Variants in TAB2 observed in about 807,000 individuals in gnomAD.
The protein encoded by TAB2 is TGF-beta-activated kinase 1 and MAP3K7-binding protein 2.
TAB2 carries 3 observed loss-of-function variants against 65.0 expected under a neutral mutation model. The ratio of observed to expected loss-of-function variants is 0.05; its 90% CI spans 0.02 to 0.12. TAB2 has a LOEUF of 0.12. Ranked by LOEUF, TAB2 falls within the 10% of genes least tolerant of loss-of-function variation. The pLI is 1.00. For missense variants in TAB2, 623 were observed against 840.3 expected (o/e 0.74, Z 3.20); for synonymous variants, 298 against 285.1 (o/e 1.05, Z -0.46).
chr6:149,227,701 T>C (rs1777312029), intron 1 of TAB2, among the ~76,000 whole-genome samples: 1 of 152,228 alleles, frequency 6.6e-6, no homozygotes, highest in Non-Finnish European at 1.5e-5. Context: ...TAAGTCATCC[T>C]TCCTGAAAAT....
intron 6 of TAB2, among the ~76,000 whole-genome samples, chr6:149,401,702 A>T (rs1583162529): frequency 6.6e-6 from 1 of 152,286 alleles, no homozygotes; most frequent in African/African-American, 2.4e-5. Context: ...ATTCTGTAGG[A>T]TAGATCATAT....
chr6:149,233,462 C>T (rs912057387), intron 1 of TAB2, among the ~76,000 whole-genome samples: 4 of 152,178 alleles, frequency 2.6e-5, no homozygotes, highest in East Asian at 3.8e-4. Flanking sequence ...ATTTGTCACA[C>T]GTAAGTGTCA....
At chr6:149,382,364 G>A (rs1037379397) in intron 3 of TAB2, among the ~76,000 whole-genome samples, 2 of 152,176 alleles carry the variant, frequency 1.3e-5, no homozygotes, top group East Asian at 1.9e-4. Flanking sequence ...TTGGGAGGCC[G>A]AGGTGGGTGG....
At chr6:149,248,720 G>T (rs1278774101) in intron 1 of TAB2, among the ~76,000 whole-genome samples, 1 of 152,176 alleles carries the variant, frequency 6.6e-6, no homozygotes, top group East Asian at 1.9e-4. Flanking sequence ...ATTTTCTGGA[G>T]GTCTGCTATA....
intron 1 of TAB2, among the ~76,000 whole-genome samples, chr6:149,252,076 C>T (rs1032957790): frequency 2.8e-4 from 42 of 152,054 alleles, no homozygotes; most frequent in Admixed American, 1.2e-3. Context: ...TAAGCAGATA[C>T]TTGAGCTACA....
At chr6:149,253,037 G>A (rs1345523560) in intron 1 of TAB2, 1 of 152,184 alleles carries the variant, frequency 6.6e-6, no homozygotes, top group Non-Finnish European at 1.5e-5. Context: ...ACTTACTGTT[G>A]GGATTTTCTC....
intron 6 of TAB2, among the ~76,000 whole-genome samples, chr6:149,405,847 A>G (rs1782646027): frequency 6.6e-6 from 1 of 152,130 alleles, no homozygotes; most frequent in Non-Finnish European, 1.5e-5. Flanking sequence ...TGTAGTTAAC[A>G]GTAGTTTATT....
chr6:149,408,897 T>A lies in TAB2; in HGVS notation c.1940-680T>A, dbSNP rs547199733. Among the ~76,000 whole-genome samples the A allele has an allele frequency of 2.5e-4, 38 of 152,302 alleles. No homozygotes were observed. In the Middle Eastern group the frequency reaches 0.01, roughly 41 times the overall value. The stretch of plus-strand genomic sequence containing the variant: ...TAGAATGTATATGATTTATCTGAGA[T>A]CACAGAGCAAAGTATTCAGGAATTA... On this transcript the variant is annotated intron_variant, in intron 6 of 6. Transcript: ENST00000637181.
intron 1 of TAB2, among the ~76,000 whole-genome samples, chr6:149,311,111 A>T (rs1032053631): frequency 1.3e-5 from 2 of 152,178 alleles, no homozygotes; most frequent in African/African-American, 2.4e-5. Flanking sequence ...CTAAACTTGA[A>T]TGGTATACCT....
intron 1 of TAB2, among the ~76,000 whole-genome samples, chr6:149,322,949 T>C (rs543278728): frequency 1.3e-5 from 2 of 152,142 alleles, no homozygotes; most frequent in Non-Finnish European, 2.9e-5. Context: ...GCAATACTTA[T>C]TTTCATTTTT....
chr6:149,375,642 C>T (rs2114874223), intron 2 of TAB2, among the ~76,000 whole-genome samples: 2 of 152,098 alleles, frequency 1.3e-5, no homozygotes, highest in East Asian at 1.9e-4. Flanking sequence ...AAGATAAACT[C>T]TCTGAGCTTT....
intron 3 of TAB2, 142 bp downstream of exon 3, chr6:149,379,660 G>A (rs1030761891): frequency 4.3e-6 from 3 of 704,154 alleles, no homozygotes; most frequent in Admixed American, 5.5e-5. Flanking sequence ...ACATTTGAGA[G>A]TATTATATGT....
intron 1 of TAB2, among the ~76,000 whole-genome samples, chr6:149,290,582 G>A (rs1039069601): frequency 6.6e-5 from 10 of 152,080 alleles, no homozygotes; most frequent in Non-Finnish European, 1.3e-4. Flanking sequence ...GGTGGCTCAC[G>A]CCTGTAATAC....
At chr6:149,401,607 ACTT>A (rs1159828959) in intron 6 of TAB2, among the ~76,000 whole-genome samples, 1 of 152,286 alleles carries the variant, frequency 6.6e-6, no homozygotes, top group East Asian at 1.9e-4. Flanking sequence ...ATAGTAGGAG[ACTT>A]CAATACCCCC....
At position 149,411,307 on chromosome 6, in the gene TAB2, A is replaced by T. The variant is rs536801975; in HGVS notation, c.*1588A>T. 2 of 152,592 alleles carry T rather than the reference A, an allele frequency of 1.3e-5. No homozygotes were observed. Among genetic ancestry groups the T allele is most frequent in the African/African-American group, 4.8e-5 (2 of 41,558 alleles). The allele number at this position is 152,592 out of a possible 1,614,324, so 9.5% of individuals were successfully genotyped here. A position where few individuals can be genotyped will look rare whatever the true frequency, so the allele number is the denominator to read the frequency against. On this transcript the variant is annotated 3_prime_UTR_variant, in exon 7 of 7. Coordinates refer to ENST00000637181, the MANE Select transcript of TAB2 (RefSeq NM_001292034.3). ...AATGGGATTATTACAGTTGATCTCTATGAATGTCAGAGCCCTAACTTTCAG... is the reference window on the plus strand; with the variant it reads ...AATGGGATTATTACAGTTGATCTCTTTGAATGTCAGAGCCCTAACTTTCAG...
chr6:149,300,619 A>G (rs969403211), intron 1 of TAB2, among the ~76,000 whole-genome samples: 2 of 152,212 alleles, frequency 1.3e-5, no homozygotes, highest in Non-Finnish European at 2.9e-5. Flanking sequence ...TATGCAGCAT[A>G]AACTTTTGTC....
At position 149,328,810 on chromosome 6, in the gene TAB2, T is replaced by C. The variant is rs1359818214; in HGVS notation, c.-90+10795T>C. Among the ~76,000 whole-genome samples the C allele has an allele frequency of 3.3e-5, 5 of 152,110 alleles. No homozygotes were observed. The East Asian group carries it at 9.6e-4, about 29-fold the overall frequency. ...GGAATCCATAGGAGGTAGTGTCTCC[T>C]ATGGATAAGGATTAGGCAGTATCTC... On this transcript the variant is annotated intron_variant, in intron 1 of 6. Coordinates refer to ENST00000637181, the MANE Select transcript of TAB2 (RefSeq NM_001292034.3).
chr6:149,310,571 T>A (rs1036565131), intron 1 of TAB2, among the ~76,000 whole-genome samples: 1 of 118,566 alleles, frequency 8.4e-6, no homozygotes, highest in Non-Finnish European at 1.7e-5. Flanking sequence ...TATATATATT[T>A]TTTTTAAAAT....
At chr6:149,398,669 C>A (rs933370370) in intron 5 of TAB2, among the ~76,000 whole-genome samples, 1 of 152,078 alleles carries the variant, frequency 6.6e-6, no homozygotes, top group African/African-American at 2.4e-5. Flanking sequence ...CTTGAACTTA[C>A]TCTTTTTGTG....
Sources: allele counts gnomAD v4.1 joint callset (sites outside exome capture counted in the v4.1 genomes callset), GRCh38; gene constraint gnomAD v4.1.1; transcripts MANE v1.5; gene names NCBI Gene and HGNC (gene_info 2026-07-23, HGNC 2026-07-21).